SGO1: variants seen among roughly 807,000 people sequenced by gnomAD.
SGO1 encodes serologically defined breast cancer antigen NY-BR-85.
A neutral mutation model predicts 50.5 loss-of-function variants in SGO1; 39 were observed. The observed-to-expected ratio is 0.77, with a 90% CI of 0.60 to 1.01. The LOEUF (loss-of-function observed/expected upper bound fraction) is 1.01. Among genes scored for constraint, SGO1 ranks in the 50% least tolerant of loss-of-function variants. The pLI is 0.00. For synonymous variants in SGO1, 191 were observed against 205.1 expected (o/e 0.93, Z 0.59); for missense variants, 638 against 606.0 (o/e 1.05, Z -0.55).
chr3:20,184,002 T>C lies in SGO1; in HGVS notation c.26A>G (p.Lys9Arg). Residue 9 changes from lysine (K) to arginine (R), a missense_variant, in exon 2 of 8, where the codon AAG becomes AGG. By Grantham distance (26) the Lys-to-Arg change is conservative. Coordinates refer to ENST00000412997, the MANE Select transcript of SGO1 (RefSeq NM_001199251.3). ...GTCTTCAAGACTATCTTGAAAGGAC[T>C]TTTTCAGGCATCTTTCCTTGGCCAT... is the stretch of plus-strand genomic sequence containing the variant. MAKERCLKKSFQDSLEDIK... is the reference protein window; with the variant it reads MAKERCLKRSFQDSLEDIK... 6.3e-7 allele frequency: 1 copy of C among 1,588,664 alleles called. No individual in the cohort carries two copies.
At chr3:20,179,447 TAA>T (rs996601757) in intron 3 of SGO1, among the ~76,000 whole-genome samples, 5 of 152,118 alleles carry the variant, frequency 3.3e-5, no homozygotes, top group African/African-American at 9.7e-5. Context: ...TTTTTTGAAA[TAA>T]AGTCTTGCTT....
In SGO1 at chr3:20,162,580, C is replaced by T. The variant is rs930719473; in HGVS notation, c.1565-1354G>A. On this transcript the variant is annotated intron_variant, in intron 8 of 8. Transcript: ENST00000263753. ...ATACAGTATCCAATTTAAAAAGTTA[C>T]AAGATATACAAGGCAGGAAAGTATA... Among the ~76,000 whole-genome samples the T allele has an allele frequency of 1.4e-4, 21 of 151,826 alleles. 2 individuals carry two copies. Among genetic ancestry groups the T allele is most frequent in the Admixed American group, 1.2e-3 (19 of 15,244 alleles).
In SGO1 at chr3:20,179,797, C is replaced by A. The variant is rs113963059; in HGVS notation, c.340-1450G>T. 3.0e-3 allele frequency among the ~76,000 whole-genome samples: 459 copies of A among 152,092 alleles called. 2 individuals are homozygous for A. Among genetic ancestry groups the A allele is most frequent in the African/African-American group, 0.01 (421 of 41,472 alleles). On this transcript the variant is annotated intron_variant, in intron 3 of 7. Transcript: ENST00000412997. ...GCAAAAGAGACCGACATGGAACAGT[C>A]AGAAAGGTAGAATGAAAAGCAGGGG...
downstream of SGO1, chr3:20,169,093 T>C: frequency 2.0e-6 from 2 of 985,222 alleles, no homozygotes; most frequent in Non-Finnish European, 2.4e-6. Flanking sequence ...GAATCAGTGA[T>C]GTGGCGGATA....
chr3:20,163,549 T>C (rs927399460), intron 8 of SGO1, among the ~76,000 whole-genome samples: 1 of 152,188 alleles, frequency 6.6e-6, no homozygotes, highest in African/African-American at 2.4e-5. Flanking sequence ...TTACTACATT[T>C]TCTAAATGGA....
At chr3:20,180,716 C>T (rs937275551) in intron 3 of SGO1, among the ~76,000 whole-genome samples, 4 of 152,114 alleles carry the variant, frequency 2.6e-5, no homozygotes, top group Non-Finnish European at 4.4e-5. Flanking sequence ...TCACTCAATT[C>T]CTAAGAAGCC....
At chr3:20,177,511 A>G (rs60290831) in intron 4 of SGO1, among the ~76,000 whole-genome samples, 40,046 of 152,114 alleles carry the variant, frequency 0.26, 5,244 homozygotes, top group African/African-American at 0.27. Context: ...GGAACATGCC[A>G]CAATATCTGA....
chr3:20,181,071 T>C (rs935774431), intron 3 of SGO1, among the ~76,000 whole-genome samples: 2 of 152,056 alleles, frequency 1.3e-5, no homozygotes, highest in African/African-American at 4.8e-5. Context: ...AGGCTGAGTG[T>C]GCTTGAGCCT....
intron 6 of SGO1, among the ~76,000 whole-genome samples, chr3:20,172,969 T>C (rs1403109268): frequency 6.6e-6 from 1 of 151,866 alleles, no homozygotes; most frequent in Admixed American, 6.6e-5. Flanking sequence ...CTGTCTCAAT[T>C]AAAAAGTGAA....
At chr3:20,182,692 T>C (rs1702158804) in intron 3 of SGO1, among the ~76,000 whole-genome samples, 1 of 152,168 alleles carries the variant, frequency 6.6e-6, no homozygotes, top group African/African-American at 2.4e-5. Flanking sequence ...TTTGAACACC[T>C]TCTTTACAAT....
intron 3 of SGO1, among the ~76,000 whole-genome samples, chr3:20,179,014 G>C (rs533835132): frequency 1.3e-5 from 2 of 152,300 alleles, no homozygotes; most frequent in African/African-American, 4.8e-5. Context: ...GGCAAGATAT[G>C]ATATCAGCTA....
At chr3:20,181,328 T>C (rs1701995809) in intron 3 of SGO1, among the ~76,000 whole-genome samples, 2 of 152,214 alleles carry the variant, frequency 1.3e-5, no homozygotes, top group East Asian at 3.8e-4. Context: ...AAAAGGCTGT[T>C]AAAAATTACC....
intron 1 of SGO1, among the ~76,000 whole-genome samples, chr3:20,185,306 C>T (rs928823840): frequency 2.0e-5 from 3 of 152,096 alleles, no homozygotes; most frequent in Admixed American, 6.6e-5. Context: ...AAAGGCAAAG[C>T]CTTACCTAAA....
At chr3:20,175,201 C>A in intron 5 of SGO1, 146 bp from the exon 6 acceptor site, 1 of 808,560 alleles carries the variant, frequency 1.2e-6, no homozygotes, top group Non-Finnish European at 1.7e-6. Flanking sequence ...AAATAAAAAC[C>A]TGGGAACTTA....
At chr3:20,164,025 C>T (rs1700172006) in intron 8 of SGO1, among the ~76,000 whole-genome samples, 1 of 152,126 alleles carries the variant, frequency 6.6e-6, no homozygotes, top group Non-Finnish European at 1.5e-5. Flanking sequence ...GATTATCAAT[C>T]TACACAAACT....
chr3:20,161,274 C>G, intron 8 of SGO1: 1 of 1,446,314 alleles, frequency 6.9e-7, no homozygotes. Context: ...TTTCTACAAC[C>G]TAGTCCACAG....
Position 20,171,230 on chromosome 3 carries a change from T to C in SGO1, c.1285A>G (p.Thr429Ala). Reference protein sequence around the residue: ...GSKPTKTPTTTPPETQQSPHL... With the variant: ...GSKPTKTPTTAPPETQQSPHL... Reference sequence around the variant, plus strand: ...GGTGACTGCTGAGTTTCAGGTGGTGTAGCTACAAAACAATTTTTACTGAAT... The same window carrying C: ...GGTGACTGCTGAGTTTCAGGTGGTGCAGCTACAAAACAATTTTTACTGAAT... The change falls in exon 7 of 8, where the codon ACA (threonine) becomes GCA (alanine). Residue 429 changes from threonine to alanine, a missense_variant and splice_region_variant. Coordinates refer to ENST00000412997, the MANE Select transcript of SGO1 (RefSeq NM_001199251.3). 1 of 1,556,634 alleles carries C rather than the reference T, an allele frequency of 6.4e-7. No homozygotes were observed. The highest frequency in any genetic ancestry group is 8.6e-7 in the Non-Finnish European group (1 of 1,160,386).
chr3:20,181,253 T>C (rs1451243041), intron 3 of SGO1, among the ~76,000 whole-genome samples: 2 of 152,226 alleles, frequency 1.3e-5, no homozygotes, highest in East Asian at 3.8e-4. Context: ...AAAAAGAACA[T>C]TTAACTATAT....
rs534118740 is a variant in SGO1 at position 20,174,380 on chromosome 3, G to A, written c.1151C>T (p.Pro384Leu). The change falls in exon 6 of 8, where the codon CCC becomes CTC. Residue 384 changes from proline to leucine, a missense_variant. Transcript: ENST00000412997. Reference protein sequence around the residue: ...SGDDSDDLYLPTCKYIQNPTS... With the variant: ...SGDDSDDLYLLTCKYIQNPTS... ...GGGATTCTGAATGTACTTGCAAGTG[G>A]GCAAATAGAGGTCATCGGAATCATC... is the stretch of plus-strand genomic sequence containing the variant. 3.0e-4 allele frequency: 488 copies of A among 1,614,072 alleles called. 2 individuals carry two copies. In the South Asian group the frequency reaches 5.0e-3, roughly 16 times the overall value.
Sources: gnomAD v4.1 joint callset for allele counts (sites outside exome capture counted in the v4.1 genomes callset) on GRCh38, gnomAD v4.1.1 for gene constraint, MANE v1.5 for transcripts, NCBI Gene and HGNC (gene_info 2026-07-23, HGNC 2026-07-21) for gene names.